The following OSBPL10 variants were observed in gnomAD, a reference collection of about 807,000 sequenced individuals.
OSBPL10 encodes the protein oxysterol-binding protein-related protein 10.
Under a neutral mutation model 81.7 loss-of-function variants are expected in OSBPL10, and 49 were observed. That is an observed-to-expected ratio of 0.60 (90% CI 0.48 to 0.76). The LOEUF is 0.76. Among genes scored for constraint, OSBPL10 ranks in the 30% least tolerant of loss-of-function variants. The pLI is 0.00. For missense variants in OSBPL10, 923 were observed against 987.8 expected (o/e 0.93, Z 0.88); for synonymous variants, 419 against 383.6 (o/e 1.09, Z -1.08).
At chr3:31,845,749 C>A (rs531155528) in intron 3 of OSBPL10, among the ~76,000 whole-genome samples, 24 of 152,286 alleles carry the variant, frequency 1.6e-4, no homozygotes, top group African/African-American at 5.5e-4. Context: ...TACTGCTCTG[C>A]ATGACCCAGA....
chr3:31,896,503 C>A (rs1696061781), intron 1 of OSBPL10, among the ~76,000 whole-genome samples: 1 of 152,180 alleles, frequency 6.6e-6, no homozygotes, highest in African/African-American at 2.4e-5. Context: ...TGTGGAGACG[C>A]CACACAAAAT....
In OSBPL10 at chr3:31,808,910, A is replaced by G. The variant is rs12636580; in HGVS notation, c.729+21130T>C. 1.7e-3 allele frequency among the ~76,000 whole-genome samples: 266 copies of G among 152,360 alleles called. 6 individuals are homozygous for G. In the East Asian group the frequency reaches 0.049, roughly 28 times the overall value. ...ATATCATACACATGCAATAATATTT[A>G]TCAAAGGAATCAATTAATACCTCTT... On this transcript the variant is annotated intron_variant, in intron 4 of 11. Coordinates refer to ENST00000396556, the MANE Select transcript of OSBPL10 (RefSeq NM_017784.5).
chr3:31,953,115 G>T (rs987321650), intron 1 of OSBPL10, among the ~76,000 whole-genome samples: 3 of 151,326 alleles, frequency 2.0e-5, no homozygotes, highest in Non-Finnish European at 4.4e-5. Flanking sequence ...TGTATTTTTA[G>T]TAGAGACGGG....
At chr3:31,961,905 T>C (rs1698174864) in intron 1 of OSBPL10, among the ~76,000 whole-genome samples, 1 of 117,226 alleles carries the variant, frequency 8.5e-6, no homozygotes, top group African/African-American at 5.0e-5. Context: ...AGTTTTGTTT[T>C]GGTTTTTTTT....
At chr3:32,058,112 C>T (rs1051116628) in intron 1 of OSBPL10, among the ~76,000 whole-genome samples, 6 of 152,120 alleles carry the variant, frequency 3.9e-5, no homozygotes, top group Non-Finnish European at 7.4e-5. Context: ...AGTTTTACCT[C>T]ATAAAAGAGA....
intron 1 of OSBPL10, among the ~76,000 whole-genome samples, chr3:31,914,094 T>G (rs538789578): frequency 6.6e-6 from 1 of 152,258 alleles, no homozygotes; most frequent in African/African-American, 2.4e-5. Flanking sequence ...CTAATTTTTG[T>G]ATTTTTAGTA....
intron 1 of OSBPL10, among the ~76,000 whole-genome samples, chr3:31,931,129 G>T (rs1482673001): frequency 6.6e-6 from 1 of 151,574 alleles, no homozygotes; most frequent in Non-Finnish European, 1.5e-5. Context: ...TAACACTGGT[G>T]ATTATCTTTG....
chr3:31,839,628 C>T (rs2125551366), intron 3 of OSBPL10, among the ~76,000 whole-genome samples: 1 of 152,134 alleles, frequency 6.6e-6, no homozygotes, highest in African/African-American at 2.4e-5. Flanking sequence ...GTGAGCCAGG[C>T]TATCTGGGTA....
At chr3:31,899,571 T>C (rs1448116437) in intron 1 of OSBPL10, among the ~76,000 whole-genome samples, 1 of 152,158 alleles carries the variant, frequency 6.6e-6, no homozygotes, top group Admixed American at 6.5e-5. Context: ...ACACCATGCA[T>C]GTAATCTCAG....
At chr3:31,943,904 G>A (rs1457372986) in intron 1 of OSBPL10, among the ~76,000 whole-genome samples, 1 of 141,190 alleles carries the variant, frequency 7.1e-6, no homozygotes, top group Non-Finnish European at 1.5e-5. Context: ...GGAAGCGGAG[G>A]TTCGAGTGAG....
At chr3:31,934,422 T>G (rs966641218) in intron 1 of OSBPL10, among the ~76,000 whole-genome samples, 19 of 151,518 alleles carry the variant, frequency 1.3e-4, no homozygotes, top group Non-Finnish European at 2.4e-4. Context: ...TTTTTTTTTT[T>G]TTTGGAGACA....
chr3:31,928,783 A>G (rs1553641315), intron 1 of OSBPL10, among the ~76,000 whole-genome samples: 1 of 150,114 alleles, frequency 6.7e-6, no homozygotes, highest in African/African-American at 2.5e-5. Context: ...AAAAAAAAAG[A>G]ATGCCCAGAA....
intron 1 of OSBPL10, among the ~76,000 whole-genome samples, chr3:31,957,760 C>T (rs1415945601): frequency 1.3e-5 from 2 of 152,250 alleles, no homozygotes; most frequent in South Asian, 4.2e-4. Context: ...CCTGCCTCAG[C>T]CTCCTAAATA....
At chr3:31,875,334 C>T (rs1216659504) in intron 3 of OSBPL10, among the ~76,000 whole-genome samples, 3 of 151,924 alleles carry the variant, frequency 2.0e-5, no homozygotes, top group African/African-American at 7.2e-5. Context: ...TATAAAAAGA[C>T]AAAAACAAAC....
intron 2 of OSBPL10, among the ~76,000 whole-genome samples, chr3:32,018,660 C>T (rs948738416): frequency 3.3e-5 from 5 of 152,112 alleles, no homozygotes; most frequent in Admixed American, 2.0e-4. Flanking sequence ...GAGCTATGAT[C>T]ACACCACTGC....
rs775426765 is a variant in OSBPL10, at chr3:31,664,100, C to A, written c.2229G>T (p.Lys743Asn). ...RKRENLRTPW[K>N]PKYFIQEGDG... ...TTACCTCCTGGATAAAATATTTGGG[C>A]TTCCATGGTGTGCGGAGGTTCTCGC... The change falls in exon 11 of 12, where the codon AAG (lysine) becomes AAT (asparagine). Residue 743 changes from lysine (K) to asparagine (N), a missense_variant. This residue lies in a region of OSBPL10 where 387 missense variants were observed against 436.3 expected (regional missense o/e 0.89). Coordinates refer to ENST00000396556, the MANE Select transcript of OSBPL10 (RefSeq NM_017784.5). The A allele has an allele frequency of 6.2e-7, 1 of 1,614,098 alleles. No homozygotes were observed. Among genetic ancestry groups the A allele is most frequent in the South Asian group, 1.1e-5 (1 of 91,070 alleles).
intron 1 of OSBPL10, among the ~76,000 whole-genome samples, chr3:31,893,748 G>A (rs1695974311): frequency 6.6e-6 from 1 of 152,100 alleles, no homozygotes; most frequent in Non-Finnish European, 1.5e-5. Flanking sequence ...GGAGCCAGAT[G>A]AAAAACACTA....
At chr3:31,980,596 C>T (rs1232978899) in intron 1 of OSBPL10, among the ~76,000 whole-genome samples, 2 of 152,234 alleles carry the variant, frequency 1.3e-5, no homozygotes, top group African/African-American at 4.8e-5. Flanking sequence ...CGGGGACCAG[C>T]ACGATCCTCC....
chr3:31,719,628 T>C (rs554391695), intron 6 of OSBPL10, among the ~76,000 whole-genome samples: 1 of 152,312 alleles, frequency 6.6e-6, no homozygotes, highest in South Asian at 2.1e-4. Flanking sequence ...AAGTATACAT[T>C]TGGCTTAATC....
Sources: allele counts gnomAD v4.1 joint callset (sites outside exome capture counted in the v4.1 genomes callset), GRCh38; gene constraint gnomAD v4.1.1; regional missense constraint gnomAD v4.1.1; transcripts MANE v1.5; gene names NCBI Gene and HGNC (gene_info 2026-07-23, HGNC 2026-07-21).